The following NSG1 variants were observed in gnomAD, a reference collection of about 807,000 sequenced individuals.
The protein encoded by NSG1 is neuronal vesicle trafficking associated 1, also known as neuronal vesicle trafficking-associated protein 1.
A neutral mutation model predicts 19.3 loss-of-function variants in NSG1; 9 were observed. That is an observed-to-expected ratio of 0.47 (90% CI 0.28 to 0.81). The LOEUF (loss-of-function observed/expected upper bound fraction) is 0.81. Among genes scored for constraint, NSG1 ranks in the 40% least tolerant of loss-of-function variants. The pLI is 0.11. For missense variants in NSG1, 236 were observed against 242.4 expected (o/e 0.97, Z 0.18); for synonymous variants, 104 against 107.0 (o/e 0.97, Z 0.17).
chr4:4,388,157 G>A (rs1722833149), intron 2 of NSG1, among the ~76,000 whole-genome samples: 1 of 151,438 alleles, frequency 6.6e-6, no homozygotes, highest in African/African-American at 2.4e-5. Flanking sequence ...GGGTGTGGCA[G>A]TTCAGCCCGA....
chr4:4,410,036 G>C (rs549577806), intron 4 of NSG1, among the ~76,000 whole-genome samples: 2 of 152,348 alleles, frequency 1.3e-5, no homozygotes, highest in South Asian at 4.1e-4. Context: ...GGGGGAGGGA[G>C]GGAGAGAGAC....
At chr4:4,416,808 A>T (rs1015810505) in intron 4 of NSG1, among the ~76,000 whole-genome samples, 9 of 151,816 alleles carry the variant, frequency 5.9e-5, no homozygotes, top group African/African-American at 1.7e-4. Context: ...CCCCTCCCTC[A>T]TCTCACCTAG....
At chr4:4,387,561 C>CGGGGGGGGGTGG in intron 1 of NSG1, 43 bp from the exon 2 acceptor site, 2 of 1,141,988 alleles carry the variant, frequency 1.8e-6, no homozygotes, top group Non-Finnish European at 1.2e-6. Flanking sequence ...CGCCCCGCCC[C>CGGGGGGGGGTGG]GGGTCTTGCT....
At chr4:4,411,138 G>A (rs1724156825) in intron 4 of NSG1, among the ~76,000 whole-genome samples, 1 of 152,150 alleles carries the variant, frequency 6.6e-6, no homozygotes, top group African/African-American at 2.4e-5. Flanking sequence ...TTACAGGCGT[G>A]AGCCACCACA....
chr4:4,409,871 G>T (rs531758503), intron 4 of NSG1, among the ~76,000 whole-genome samples, 188 bp downstream of exon 4: 133 of 152,318 alleles, frequency 8.7e-4, no homozygotes, highest in African/African-American at 3.1e-3. Flanking sequence ...TAGGCAGGGG[G>T]CACATGAGAC....
At chr4:4,407,113 C>T (rs1723903064) in intron 3 of NSG1, among the ~76,000 whole-genome samples, 1 of 152,234 alleles carries the variant, frequency 6.6e-6, no homozygotes, top group Non-Finnish European at 1.5e-5. Context: ...CCTTGTCAGG[C>T]ACAGGCTCCA....
At chr4:4,410,277 C>T (rs541959480) in intron 4 of NSG1, among the ~76,000 whole-genome samples, 4 of 152,314 alleles carry the variant, frequency 2.6e-5, no homozygotes, top group South Asian at 4.1e-4. Flanking sequence ...TGCTCATTCC[C>T]AAAAGCCCAC....
chr4:4,407,245 A>G (rs1281506310), intron 3 of NSG1, among the ~76,000 whole-genome samples: 1 of 152,102 alleles, frequency 6.6e-6, no homozygotes, highest in Admixed American at 6.5e-5. Flanking sequence ...TGACTGAGGA[A>G]CTGGCAGGAC....
chr4:4,398,105 C>T (rs1405276583), intron 3 of NSG1, among the ~76,000 whole-genome samples: 2 of 152,140 alleles, frequency 1.3e-5, no homozygotes, highest in Non-Finnish European at 2.9e-5. Context: ...CAGGCACCTG[C>T]CACCATGCCC....
Position 4,417,411 on chromosome 4 carries a change from T to A in NSG1, c.534T>A (p.Thr178=), listed in dbSNP as rs781761123. ...LSEEKLSEQE[T]EAAEKSA is the part of the protein sequence containing the mutation. ...AAGAGAAGCTGTCCGAGCAGGAGACTGAAGCGGCTGAGAAGTCAGCTTAGC... is the reference window on the plus strand; with the variant it reads ...AAGAGAAGCTGTCCGAGCAGGAGACAGAAGCGGCTGAGAAGTCAGCTTAGC... The change falls in exon 5 of 5, where the codon ACT becomes ACA. Residue 178 remains threonine (T), a synonymous_variant. Transcript: ENST00000621129. 8.1e-6 allele frequency: 13 copies of A among 1,614,126 alleles called. No homozygotes were observed. Among genetic ancestry groups the A allele is most frequent in the Non-Finnish European group, 1.1e-5 (13 of 1,180,054 alleles).
chr4:4,397,722 G>A (rs1723329714), intron 3 of NSG1, among the ~76,000 whole-genome samples: 1 of 152,162 alleles, frequency 6.6e-6, no homozygotes, highest in African/African-American at 2.4e-5. Context: ...CCATCACCCA[G>A]GACCCCCAAG....
chr4:4,407,738 G>T (rs1235288459), intron 3 of NSG1, among the ~76,000 whole-genome samples: 1 of 152,150 alleles, frequency 6.6e-6, no homozygotes, highest in Non-Finnish European at 1.5e-5. Flanking sequence ...CTGCAGCCTT[G>T]CAGAGACGGG....
At chr4:4,408,861 C>CAT (rs1724011351) in intron 3 of NSG1, among the ~76,000 whole-genome samples, 1 of 152,204 alleles carries the variant, frequency 6.6e-6, no homozygotes, top group Non-Finnish European at 1.5e-5. Context: ...ACCCATGCCC[C>CAT]GTGCCCTCCA....
At chr4:4,409,790 A>G (rs980752742) in intron 4 of NSG1, 107 bp downstream of exon 4, 24 of 869,810 alleles carry the variant, frequency 2.8e-5, no homozygotes, top group Non-Finnish European at 3.8e-5. Context: ...GCCCACGGAC[A>G]GGCCTTAGAG....
At chr4:4,410,253 CT>C (rs1429624362) in intron 4 of NSG1, among the ~76,000 whole-genome samples, 1 of 152,186 alleles carries the variant, frequency 6.6e-6, no homozygotes, top group African/African-American at 2.4e-5. Context: ...GAAATGCTCG[CT>C]TTGCATATAT....
At chr4:4,391,396 T>C (rs1722980627) in intron 2 of NSG1, 79 bp from the exon 3 acceptor site, 1 of 848,716 alleles carries the variant, frequency 1.2e-6, no homozygotes, top group Admixed American at 2.5e-5. Flanking sequence ...ACTTTGAATA[T>C]GGGAGTTCCC....
intron 2 of NSG1, among the ~76,000 whole-genome samples, chr4:4,390,963 A>G (rs1406444791): frequency 6.6e-6 from 1 of 152,076 alleles, no homozygotes; most frequent in African/African-American, 2.4e-5. Flanking sequence ...GTGGAGACAA[A>G]GAGGTTGATC....
chr4:4,417,292 G>A lies in NSG1; in HGVS notation c.415G>A (p.Ala139Thr), dbSNP rs768392670. 5 of 1,614,022 alleles carry A rather than the reference G, an allele frequency of 3.1e-6. No homozygotes were observed. The South Asian group carries it at 4.4e-5, about 14-fold the overall frequency. The change falls in exon 5 of 5, where the codon GCC (alanine) becomes ACC (threonine). Residue 139 changes from alanine to threonine, a missense_variant. By Grantham distance (58) the Ala-to-Thr change is moderately conservative. Transcript: ENST00000621129. ...CTACTACGCGGAGCAAGACTCCAGTGCCCGGGAGAAATTTTACACAGTCAT... is the reference window on the plus strand; with the variant it reads ...CTACTACGCGGAGCAAGACTCCAGTACCCGGGAGAAATTTTACACAGTCAT... Reference protein sequence around the residue: ...ESYYAEQDSSAREKFYTVINH... With the variant: ...ESYYAEQDSSTREKFYTVINH...
At chr4:4,401,548 A>G (rs748612150) in intron 3 of NSG1, among the ~76,000 whole-genome samples, 1 of 152,032 alleles carries the variant, frequency 6.6e-6, no homozygotes, top group South Asian at 2.1e-4. Flanking sequence ...TGGGACATGG[A>G]CACCTCCTCC....
Sources: allele counts gnomAD v4.1 joint callset (sites outside exome capture counted in the v4.1 genomes callset), GRCh38; gene constraint gnomAD v4.1.1; transcripts MANE v1.5; gene names NCBI Gene and HGNC (gene_info 2026-07-23, HGNC 2026-07-21).